Variants in MAMDC2 observed in about 807,000 individuals in gnomAD.
MAMDC2 encodes the protein MAM domain-containing protein 2.
In MAMDC2, 57 loss-of-function variants were observed where a neutral mutation model predicts 89.8. The ratio of observed to expected loss-of-function variants is 0.63; its 90% CI spans 0.51 to 0.79. The LOEUF is 0.79. MAMDC2 is among the 30% of genes least tolerant of loss of function. MAMDC2 has a pLI of 0.00. For synonymous variants in MAMDC2, 313 were observed against 293.4 expected, an observed-to-expected ratio of 1.07 and a Z score of -0.68; for missense variants, 800 against 820.6, an observed-to-expected ratio of 0.97 and a Z score of 0.31.
At chr9:70,045,272 T>C (rs1042462648) in intron 2 of MAMDC2, among the ~76,000 whole-genome samples, 2 of 152,208 alleles carry the variant, frequency 1.3e-5, no homozygotes, top group South Asian at 2.1e-4. Context: ...GCCAAATGCC[T>C]GGGGTCCCTG....
At chr9:70,184,703 T>G (rs1481954198) in intron 11 of MAMDC2, among the ~76,000 whole-genome samples, 2 of 151,998 alleles carry the variant, frequency 1.3e-5, no homozygotes, top group Non-Finnish European at 2.9e-5. Context: ...CTTCACAGAG[T>G]TCTCATGCTG....
intron 2 of MAMDC2, among the ~76,000 whole-genome samples, chr9:70,058,768 A>G (rs1024253976): frequency 6.6e-6 from 1 of 152,232 alleles, no homozygotes; most frequent in South Asian, 2.1e-4. Context: ...TAAGAGAAGC[A>G]TGTAGAAACA....
At chr9:70,051,046 G>A (rs1487252705) in intron 2 of MAMDC2, among the ~76,000 whole-genome samples, 2 of 152,182 alleles carry the variant, frequency 1.3e-5, no homozygotes, top group African/African-American at 4.8e-5. Flanking sequence ...CATTAGTGAT[G>A]GTGCTGGTGC....
At chr9:70,205,846 C>T (rs2033214284) in intron 11 of MAMDC2, among the ~76,000 whole-genome samples, 1 of 152,224 alleles carries the variant, frequency 6.6e-6, no homozygotes, top group East Asian at 1.9e-4. Flanking sequence ...CTGAGACAGA[C>T]AGTGCTTGAA....
At chr9:70,161,988 G>T (rs748430747) in intron 9 of MAMDC2, among the ~76,000 whole-genome samples, 21 of 152,190 alleles carry the variant, frequency 1.4e-4, no homozygotes, top group Non-Finnish European at 1.5e-5. Context: ...AACTTAACTA[G>T]GTTCATTTTG....
At chr9:70,085,227 A>AC (rs1253012305) in intron 2 of MAMDC2, among the ~76,000 whole-genome samples, 1 of 152,016 alleles carries the variant, frequency 6.6e-6, no homozygotes, top group East Asian at 1.9e-4. Context: ...CCTCAGTATT[A>AC]CCATCAACAG....
At chr9:70,174,280 C>A (rs2032432855) in intron 11 of MAMDC2, among the ~76,000 whole-genome samples, 1 of 152,130 alleles carries the variant, frequency 6.6e-6, no homozygotes, top group South Asian at 2.1e-4. Flanking sequence ...ACAAAACAGA[C>A]AAGCATTTAC....
intron 5 of MAMDC2, among the ~76,000 whole-genome samples, chr9:70,125,950 G>A (rs1383234280): frequency 2.0e-5 from 3 of 152,184 alleles, no homozygotes; most frequent in Admixed American, 2.0e-4. Flanking sequence ...GTATTTAGCA[G>A]AGTGCAATGA....
At chr9:70,191,681 G>A (rs2032883781) in intron 11 of MAMDC2, among the ~76,000 whole-genome samples, 1 of 152,092 alleles carries the variant, frequency 6.6e-6, no homozygotes, top group Admixed American at 6.6e-5. Context: ...AGGTAGTGTT[G>A]TAGTTCTGTT....
chr9:70,211,448 A>G (rs1047765070), intron 11 of MAMDC2, among the ~76,000 whole-genome samples: 7 of 152,170 alleles, frequency 4.6e-5, no homozygotes, highest in Non-Finnish European at 7.3e-5. Context: ...TGCATCACAT[A>G]GTTCTCTTGC....
At chr9:70,103,296 A>G (rs1289327647) in intron 2 of MAMDC2, among the ~76,000 whole-genome samples, 1 of 152,178 alleles carries the variant, frequency 6.6e-6, no homozygotes, top group Non-Finnish European at 1.5e-5. Context: ...TGATCTTGAA[A>G]ATGAGTATAG....
At chr9:70,048,002 G>A (rs1826798150) in intron 2 of MAMDC2, among the ~76,000 whole-genome samples, 1 of 152,210 alleles carries the variant, frequency 6.6e-6, no homozygotes, top group Non-Finnish European at 1.5e-5. Context: ...ACCAGGCATT[G>A]TGTTGGCTTG....
intron 2 of MAMDC2, among the ~76,000 whole-genome samples, chr9:70,100,577 C>T (rs1312621473): frequency 2.0e-5 from 3 of 152,164 alleles, no homozygotes; most frequent in South Asian, 2.1e-4. Flanking sequence ...GTCAGACCTG[C>T]GTCATCAGAT....
chr9:70,103,042 G>A (rs987263322), intron 2 of MAMDC2, among the ~76,000 whole-genome samples: 3 of 152,204 alleles, frequency 2.0e-5, no homozygotes, highest in African/African-American at 4.8e-5. Flanking sequence ...GTCAGCAAGA[G>A]TGGTGGAGTA....
At chr9:70,106,629 A>G (rs1473433193) in intron 2 of MAMDC2, among the ~76,000 whole-genome samples, 1 of 152,202 alleles carries the variant, frequency 6.6e-6, no homozygotes, top group Non-Finnish European at 1.5e-5. Context: ...CCTGAGTTGC[A>G]GTGAGTGTCG....
intron 7 of MAMDC2, among the ~76,000 whole-genome samples, chr9:70,134,271 G>A (rs1483990095): frequency 6.6e-6 from 1 of 151,968 alleles, no homozygotes; most frequent in Non-Finnish European, 1.5e-5. Context: ...AATGTCATGT[G>A]GCCCTCCAAT....
At chr9:70,179,885 T>TTTTTTTA (rs3071624) in intron 11 of MAMDC2, among the ~76,000 whole-genome samples, 6 of 150,002 alleles carry the variant, frequency 4.0e-5, no homozygotes, top group African/African-American at 9.8e-5. Context: ...TTTTTTTTTT[T>TTTTTTTA]ACATTAATTT....
Position 70,108,338 on chromosome 9 carries a change from GTC to G in MAMDC2, c.280_281del (p.Leu94ValfsTer13). The G allele has an allele frequency of 6.2e-7, 1 of 1,614,116 alleles. No homozygotes were observed. The highest frequency in any genetic ancestry group is 8.5e-7 in the Non-Finnish European group (1 of 1,179,982). On this transcript the variant is annotated frameshift_variant, in exon 3 of 14. Coordinates refer to ENST00000377182, the MANE Select transcript of MAMDC2 (RefSeq NM_153267.5). LOFTEE classifies it high-confidence loss of function. ...LVYQITTSSE[S>X]LSDPSQLNLY... ...TCTACCAGATAACCACATCTTCGGAGTCTCTGTCAGATCCCAGCCAGCTGAAC... is the reference window on the plus strand; with the variant it reads ...TCTACCAGATAACCACATCTTCGGAGTCTGTCAGATCCCAGCCAGCTGAAC...
chr9:70,120,712 T>C (rs2030245550), intron 5 of MAMDC2, among the ~76,000 whole-genome samples: 1 of 152,196 alleles, frequency 6.6e-6, no homozygotes, highest in African/African-American at 2.4e-5. Context: ...GTTTGGGGCT[T>C]TGAGGTCTTA....
Sources: allele counts gnomAD v4.1 joint callset (sites outside exome capture counted in the v4.1 genomes callset), GRCh38; gene constraint gnomAD v4.1.1; transcripts MANE v1.5; gene names NCBI Gene and HGNC (gene_info 2026-07-23, HGNC 2026-07-21).